LARGE1: variants seen among roughly 807,000 people sequenced by gnomAD.
The protein encoded by LARGE1 is xylosyl- and glucuronyltransferase LARGE1.
Under a neutral mutation model 87.6 loss-of-function variants are expected in LARGE1, and 43 were observed. The ratio of observed to expected loss-of-function variants is 0.49; its 90% CI spans 0.38 to 0.63. LARGE1 has a LOEUF of 0.63. Among genes scored for constraint, LARGE1 ranks in the 30% least tolerant of loss-of-function variants. The probability of loss-of-function intolerance (pLI) is 0.00; values close to 1 mark genes in which losing one functional copy is unlikely to be tolerated. For synonymous variants in LARGE1, 434 were observed against 394.6 expected, an observed-to-expected ratio of 1.10 and a Z score of -1.18; for missense variants, 802 against 1,000.2, an observed-to-expected ratio of 0.80 and a Z score of 2.67.
intron 2 of LARGE1, among the ~76,000 whole-genome samples, chr22:33,669,308 A>C (rs2081346250): frequency 6.6e-6 from 1 of 152,238 alleles, no homozygotes. Context: ...TGTTCTCCTT[A>C]AGTGGAGATG....
intron 1 of LARGE1, among the ~76,000 whole-genome samples, chr22:33,853,975 C>T (rs965878407): frequency 1.3e-5 from 2 of 152,066 alleles, no homozygotes; most frequent in Non-Finnish European, 2.9e-5. Context: ...CAACTGAGTC[C>T]CTACTGGGCA....
chr22:33,420,558 C>G (rs558207701), intron 7 of LARGE1, among the ~76,000 whole-genome samples: 2 of 152,288 alleles, frequency 1.3e-5, no homozygotes, highest in Non-Finnish European at 2.9e-5. Flanking sequence ...GCCAGAGTGG[C>G]TGGAGTGGAG....
intron 9 of LARGE1, among the ~76,000 whole-genome samples, chr22:33,375,429 C>A (rs986044780): frequency 6.6e-6 from 1 of 152,156 alleles, no homozygotes; most frequent in Non-Finnish European, 1.5e-5. Flanking sequence ...GGGCAGACCC[C>A]TTGAGGCCAG....
chr22:33,817,105 T>A (rs1353232065), intron 1 of LARGE1, among the ~76,000 whole-genome samples: 1 of 152,212 alleles, frequency 6.6e-6, no homozygotes, highest in Non-Finnish European at 1.5e-5. Context: ...CATACATGCA[T>A]ACACATATAC....
chr22:33,306,398 CT>C (rs1441120122), intron 11 of LARGE1, among the ~76,000 whole-genome samples: 1 of 152,132 alleles, frequency 6.6e-6, no homozygotes, highest in East Asian at 1.9e-4. Flanking sequence ...GACATGAGAC[CT>C]GCTGAAGGAA....
intron 3 of LARGE1, among the ~76,000 whole-genome samples, chr22:33,636,410 T>C (rs2080268750): frequency 6.6e-6 from 1 of 152,220 alleles, no homozygotes; most frequent in Non-Finnish European, 1.5e-5. Flanking sequence ...GTTTTTAGAA[T>C]GTGCCTTCAT....
intron 5 of LARGE1, 65 bp downstream of exon 5, chr22:33,604,370 C>T: frequency 6.2e-7 from 1 of 1,608,418 alleles, no homozygotes; most frequent in East Asian, 2.2e-5. Context: ...ACAGTCTGCT[C>T]AACCACAAGT....
intron 3 of LARGE1, among the ~76,000 whole-genome samples, chr22:33,640,269 C>A (rs1256550389): frequency 6.6e-6 from 1 of 152,200 alleles, no homozygotes; most frequent in Admixed American, 6.5e-5. Flanking sequence ...AGGAGGCCAG[C>A]ACCTTGTGGA....
intron 2 of LARGE1, among the ~76,000 whole-genome samples, chr22:33,751,870 C>T (rs945206713): frequency 8.6e-5 from 13 of 151,856 alleles, no homozygotes; most frequent in Non-Finnish European, 7.4e-5. Flanking sequence ...AGGGTTCAAG[C>T]GATCCTCCTA....
chr22:33,598,923 G>A (rs1381153369), intron 5 of LARGE1, among the ~76,000 whole-genome samples: 2 of 152,156 alleles, frequency 1.3e-5, no homozygotes, highest in Non-Finnish European at 2.9e-5. Flanking sequence ...GGTAGTTCTG[G>A]TTCTAGATTC....
chr22:33,384,075 CACACAG>C, intron 8 of LARGE1, 111 bp downstream of exon 8: 1 of 805,082 alleles, frequency 1.2e-6, no homozygotes, highest in African/African-American at 1.7e-5. Context: ...TGTATCAGAG[CACACAG>C]AGTCACACAA....
At chr22:33,616,931 T>C (rs542255600) in intron 4 of LARGE1, among the ~76,000 whole-genome samples, 2 of 152,206 alleles carry the variant, frequency 1.3e-5, no homozygotes, top group Non-Finnish European at 1.5e-5. Flanking sequence ...AACCACTAAA[T>C]TGTACACTTT....
At chr22:33,326,192 G>C (rs774230823) in intron 10 of LARGE1, among the ~76,000 whole-genome samples, 5 of 152,198 alleles carry the variant, frequency 3.3e-5, no homozygotes, top group African/African-American at 1.2e-4. Context: ...GGTTCAGAGA[G>C]GGTCTGCCCA....
intron 6 of LARGE1, among the ~76,000 whole-genome samples, chr22:33,551,359 G>T (rs540505663): frequency 6.6e-6 from 1 of 152,280 alleles, no homozygotes; most frequent in Admixed American, 6.5e-5. Flanking sequence ...GACCCTACAG[G>T]TAATTCCAGT....
the LARGE1 span, among the ~76,000 whole-genome samples, chr22:33,084,799 C>A: frequency 6.6e-6 from 1 of 152,200 alleles, no homozygotes; most frequent in East Asian, 1.9e-4. Flanking sequence ...TATACAAATA[C>A]TACCATTTCA....
chr22:33,854,433 C>A (rs1190713876), intron 1 of LARGE1, among the ~76,000 whole-genome samples: 1 of 152,066 alleles, frequency 6.6e-6, no homozygotes, highest in Non-Finnish European at 1.5e-5. Flanking sequence ...TGACCTTTCA[C>A]CATCGGCTCA....
the LARGE1 span, among the ~76,000 whole-genome samples, chr22:33,099,755 C>A: frequency 7.1e-6 from 1 of 140,024 alleles, no homozygotes; most frequent in Non-Finnish European, 1.5e-5. Flanking sequence ...TAGGAAAATG[C>A]ACAGATTGCT....
At chr22:33,129,260 C>T in the LARGE1 span, among the ~76,000 whole-genome samples, 1 of 151,950 alleles carries the variant, frequency 6.6e-6, no homozygotes, top group African/African-American at 2.4e-5. Context: ...GGTGACATTA[C>T]AAAGGGGTAG....
chr22:33,094,107 T>G, the LARGE1 span, among the ~76,000 whole-genome samples: 1 of 152,140 alleles, frequency 6.6e-6, no homozygotes, highest in Non-Finnish European at 1.5e-5. Flanking sequence ...TCAGCTTGCA[T>G]TGAGCATACT....
Sources: gnomAD v4.1 joint callset for allele counts (sites outside exome capture counted in the v4.1 genomes callset) on GRCh38, gnomAD v4.1.1 for gene constraint, MANE v1.5 for transcripts, NCBI Gene and HGNC (gene_info 2026-07-23, HGNC 2026-07-21) for gene names.